Variants in C12orf42 observed in about 807,000 individuals in gnomAD.
C12orf42 encodes the protein chromosome 12 open reading frame 42.
In C12orf42, 25 loss-of-function variants were observed where a neutral mutation model predicts 21.6. That is an observed-to-expected ratio of 1.16 (90% CI 0.84 to 1.62). C12orf42 has a LOEUF of 1.62. Among genes scored for constraint, C12orf42 ranks in the 40% most tolerant of loss-of-function variants. The pLI is 0.00. For missense variants in C12orf42, 483 were observed against 459.3 expected (o/e 1.05, Z -0.47); for synonymous variants, 174 against 175.0 (o/e 0.99, Z 0.05).
the C12orf42 span, among the ~76,000 whole-genome samples, chr12:103,185,812 C>T: frequency 6.6e-6 from 1 of 152,166 alleles, no homozygotes; most frequent in Middle Eastern, 3.2e-3. Context: ...CTTTCACCTC[C>T]CGCCGTGATT....
chr12:103,199,704 G>C, the C12orf42 span, among the ~76,000 whole-genome samples: 1,639 of 152,184 alleles, frequency 0.011, 26 homozygotes, highest in African/African-American at 0.037. Flanking sequence ...TGAACACCAG[G>C]TGTATAAAAA....
Position 103,302,499 on chromosome 12 carries a change from G to A in C12orf42, c.692C>T (p.Ala231Val), listed in dbSNP as rs116164704. Residue 231 changes from alanine (A) to valine (V), a missense_variant, in exon 6 of 6, where the codon GCT (alanine) becomes GTT (valine). Ala to Val is a moderately conservative substitution (Grantham distance 64). Coordinates refer to ENST00000548883, the MANE Select transcript of C12orf42 (RefSeq NM_198521.5). ...GTTACTCGGGCCGGTGCTCTGCAGA[G>A]CGCCGGGCGTCTGGCTCCTCCTGCA... ...GLCRRSQTPG[A>V]LQSTGPSNTE... 9.7e-4 allele frequency: 1,557 copies of A among 1,613,382 alleles called. 17 individuals are homozygous for A. The African/African-American group carries it at 0.018, about 19-fold the overall frequency.
chr12:103,480,929 T>C (rs972399584), intron 1 of C12orf42, among the ~76,000 whole-genome samples: 1 of 151,710 alleles, frequency 6.6e-6, no homozygotes, highest in Non-Finnish European at 1.5e-5. Context: ...ATCATCTATA[T>C]CCCTTGATTT....
At chr12:103,443,863 C>A (rs1421549398) in intron 2 of C12orf42, among the ~76,000 whole-genome samples, 1 of 152,000 alleles carries the variant, frequency 6.6e-6, no homozygotes, top group African/African-American at 2.4e-5. Flanking sequence ...TAGATGATAT[C>A]AAATTGGATG....
chr12:103,155,071 T>G, the C12orf42 span: 5 of 152,238 alleles, frequency 3.3e-5, no homozygotes, highest in Admixed American at 6.5e-5. Context: ...GAAATTTGTG[T>G]GGAACTAGAA....
chr12:103,403,558 T>A (rs1769895357), intron 2 of C12orf42, among the ~76,000 whole-genome samples: 1 of 152,138 alleles, frequency 6.6e-6, no homozygotes, highest in Non-Finnish European at 1.5e-5. Flanking sequence ...AATTTCAGAA[T>A]CTGGACTTTG....
At chr12:103,224,847 T>A in the C12orf42 span, among the ~76,000 whole-genome samples, 1 of 152,156 alleles carries the variant, frequency 6.6e-6, no homozygotes, top group African/African-American at 2.4e-5. Flanking sequence ...TCCTGGCTCT[T>A]GTGTAAGAAT....
At chr12:103,248,883 C>T (rs2034141120) in intron 10 of C12orf42, among the ~76,000 whole-genome samples, 1 of 151,886 alleles carries the variant, frequency 6.6e-6, no homozygotes, top group African/African-American at 2.4e-5. Flanking sequence ...ATGTTAATTC[C>T]TTTCCTTTGA....
the C12orf42 span, among the ~76,000 whole-genome samples, chr12:103,214,416 C>T: frequency 4.6e-5 from 7 of 152,308 alleles, no homozygotes; most frequent in African/African-American, 1.7e-4. Flanking sequence ...TCTGAACATC[C>T]TCCTTTCCAA....
the C12orf42 span, chr12:103,162,572 TAAG>T: frequency 1.3e-5 from 2 of 151,708 alleles, no homozygotes; most frequent in African/African-American, 4.9e-5. Flanking sequence ...TCTGTACACC[TAAG>T]AAGAGGGAAG....
At chr12:103,147,447 C>A in the C12orf42 span, among the ~76,000 whole-genome samples, 1 of 151,010 alleles carries the variant, frequency 6.6e-6, no homozygotes, top group Non-Finnish European at 1.5e-5. Context: ...TACAGAAATC[C>A]ACGGCTGTGA....
the C12orf42 span, among the ~76,000 whole-genome samples, chr12:103,226,606 G>A: frequency 6.6e-6 from 1 of 152,160 alleles, no homozygotes; most frequent in South Asian, 2.1e-4. Flanking sequence ...GCAGGTTGGG[G>A]AGGGCTAGTC....
the C12orf42 span, among the ~76,000 whole-genome samples, chr12:103,109,555 A>G: frequency 1.3e-5 from 2 of 150,910 alleles, no homozygotes; most frequent in African/African-American, 4.9e-5. Flanking sequence ...TTAGAAAGAG[A>G]AAAGAGAAAA....
intron 2 of C12orf42, among the ~76,000 whole-genome samples, chr12:103,408,414 C>G (rs2048583453): frequency 6.6e-6 from 1 of 152,148 alleles, no homozygotes; most frequent in Non-Finnish European, 1.5e-5. Context: ...GTAGGCTTAA[C>G]ACACACAGTA....
At chr12:103,110,999 C>A in the C12orf42 span, among the ~76,000 whole-genome samples, 24 of 152,124 alleles carry the variant, frequency 1.6e-4, no homozygotes, top group Admixed American at 1.6e-3. Context: ...CAGCACTAGG[C>A]AGTTCTTGGT....
chr12:103,328,787 G>T (rs1226331284), intron 4 of C12orf42, among the ~76,000 whole-genome samples: 6 of 152,218 alleles, frequency 3.9e-5, no homozygotes, highest in African/African-American at 1.4e-4. Flanking sequence ...CTGAGGAAGG[G>T]AGTCTGTCTG....
chr12:103,524,546 C>T, the C12orf42 span, among the ~76,000 whole-genome samples: 25 of 152,318 alleles, frequency 1.6e-4, no homozygotes, highest in African/African-American at 4.8e-4. Context: ...AGGGAACAAA[C>T]GCAGCAACCT....
chr12:103,285,942 G>A (rs1314122137), intron 4 of C12orf42, among the ~76,000 whole-genome samples: 1 of 152,096 alleles, frequency 6.6e-6, no homozygotes, highest in Non-Finnish European at 1.5e-5. Flanking sequence ...ATTAATATGT[G>A]CTGAAAAAAA....
At chr12:103,266,307 A>G (rs563084291), downstream of C12orf42, among the ~76,000 whole-genome samples, 3 of 152,320 alleles carry the variant, frequency 2.0e-5, no homozygotes, top group African/African-American at 7.2e-5. Context: ...GGTTGTATTT[A>G]TATCTGTATC....
Sources: gnomAD v4.1 joint callset for allele counts (sites outside exome capture counted in the v4.1 genomes callset) on GRCh38, gnomAD v4.1.1 for gene constraint, MANE v1.5 for transcripts, NCBI Gene and HGNC (gene_info 2026-07-23, HGNC 2026-07-21) for gene names.